MUC6: variants seen among roughly 807,000 people sequenced by gnomAD.
MUC6 encodes the protein mucin 6, oligomeric mucus/gel-forming (gene/pseudogene).
Under a neutral mutation model 201.5 loss-of-function variants are expected in MUC6, and 188 were observed. The ratio of observed to expected loss-of-function variants is 0.93; its 90% CI spans 0.83 to 1.05. The LOEUF is 1.05. Ranked by LOEUF, MUC6 falls within the 50% of genes least tolerant of loss-of-function variation. The pLI is 0.00. For missense variants in MUC6, 2,706 were observed against 3,256.9 expected (o/e 0.83, Z 4.12); for synonymous variants, 1,228 against 1,389.4 (o/e 0.88, Z 2.58).
intron 7 of MUC6, 31 bp from the exon 8 acceptor site, chr11:1,030,366 T>TACCCCCCCCCCCCCCCCCCC: frequency 6.7e-7 from 1 of 1,489,596 alleles, no homozygotes. Context: ...GGTGAGAGGG[T>TACCCCCCCCCCCCCCCCCCC]CCCACCCCCC....
At chr11:1,028,453 C>G in intron 13 of MUC6, 66 bp from the exon 14 acceptor site, 26 of 1,576,012 alleles carry the variant, frequency 1.6e-5, no homozygotes, top group Non-Finnish European at 2.2e-5. Flanking sequence ...GCCCACACGC[C>G]CTGGAGCTCC....
At chr11:1,015,518 C>G (rs539982567) in intron 31 of MUC6, among the ~76,000 whole-genome samples, 1 of 152,130 alleles carries the variant, frequency 6.6e-6, no homozygotes, top group South Asian at 2.1e-4. Flanking sequence ...AGGGAAAGGT[C>G]AAGGTTAGCT....
chr11:1,036,441 G>C (rs542189034), intron 1 of MUC6, among the ~76,000 whole-genome samples, 163 bp downstream of exon 1: 222 of 152,302 alleles, frequency 1.5e-3, no homozygotes, highest in African/African-American at 5.1e-3. Context: ...GGGGGGACCC[G>C]GGCCTGGCAG....
At chr11:1,026,535 A>AGCCCTGG in intron 19 of MUC6, 57 bp from the exon 20 acceptor site, 1 of 1,482,660 alleles carries the variant, frequency 6.7e-7, no homozygotes, top group Non-Finnish European at 8.9e-7. Flanking sequence ...GCTGCTGCCC[A>AGCCCTGG]GCCCTGGGCC....
chr11:1,031,205 C>A lies in MUC6; in HGVS notation c.538G>T (p.Asp180Tyr). 1 of 1,579,354 alleles carries A rather than the reference C, an allele frequency of 6.3e-7. No homozygotes were observed. The change falls in exon 5 of 33, where the codon GAC becomes TAC. Residue 180 changes from aspartate (D) to tyrosine (Y), a missense_variant. Transcript: ENST00000421673. The stretch of plus-strand genomic sequence containing the variant: ...ACAAACTCGTTGGTCACCTTCCCGT[C>A]AAAGTTCCCGCAGAGCCCGCACATC... ...GQMCGLCGNFDGKVTNEFVSE... is the reference protein window; with the variant it reads ...GQMCGLCGNFYGKVTNEFVSE...
rs1208914192 is a variant in MUC6, at chr11:1,024,934, G to A, written c.3135C>T (p.Asp1045=). Reference sequence around the variant, plus strand: ...GCCGGAAGGCATTGAGACTGCAGGGGTCTGTCACGAAGCTCACGTCCCCGC... The same window carrying A: ...GCCGGAAGGCATTGAGACTGCAGGGATCTGTCACGAAGCTCACGTCCCCGC... ...PLCGDVSFVT[D]PCSLNAFRRS... Residue 1045 remains aspartate (D), a synonymous_variant, in exon 24 of 33, where the codon GAC becomes GAT. Transcript: ENST00000421673. 1.9e-6 allele frequency: 3 copies of A among 1,612,872 alleles called. No individual in the cohort carries two copies. Among genetic ancestry groups the A allele is most frequent in the Non-Finnish European group, 2.5e-6 (3 of 1,179,898 alleles).
rs777400951 is a variant in MUC6, at chr11:1,031,203, G to T, written c.540C>A (p.Asp180Glu). The T allele has an allele frequency of 2.5e-6, 4 of 1,570,704 alleles. No individual in the cohort carries two copies. The highest frequency in any genetic ancestry group is 1.8e-5 in the Admixed American group (1 of 55,440). ...GQMCGLCGNF[D>E]GKVTNEFVSE... The stretch of plus-strand genomic sequence containing the variant: ...TGACAAACTCGTTGGTCACCTTCCC[G>T]TCAAAGTTCCCGCAGAGCCCGCACA... Residue 180 changes from aspartate to glutamate, a missense_variant, in exon 5 of 33, where the codon GAC becomes GAA. Asp to Glu is a conservative substitution (Grantham distance 45). Around this residue, in one of 10 missense-constraint regions of MUC6, gnomAD observed 1,850 missense variants for 1,958.3 expected, o/e 0.94. Coordinates refer to ENST00000421673, the MANE Select transcript of MUC6 (RefSeq NM_005961.3).
In MUC6 at chr11:1,030,197, C is replaced by T; in HGVS notation, c.1015+16G>A. 1.3e-6 allele frequency: 2 copies of T among 1,549,440 alleles called. No individual in the cohort carries two copies. Among genetic ancestry groups the T allele is most frequent in the Non-Finnish European group, 1.7e-6 (2 of 1,148,018 alleles). ...TAGGGGTCCCGGGGAGAGAGAGTGC[C>T]TGCGACTGCCCTCACCTTCCGGGCA... On this transcript the variant is annotated intron_variant, in intron 8 of 32. Coordinates refer to ENST00000421673, the MANE Select transcript of MUC6 (RefSeq NM_005961.3).
chr11:1,030,370 A>ACCCCCCCCCCCCCTC, intron 7 of MUC6, 35 bp from the exon 8 acceptor site: 1 of 992,838 alleles, frequency 1.0e-6, no homozygotes, highest in South Asian at 1.8e-5. Context: ...AGAGGGTCCC[A>ACCCCCCCCCCCCCTC]CCCCCCCCAC....
In MUC6 at chr11:1,016,718, G is replaced by T. The variant is rs746866220; in HGVS notation, c.6083C>A (p.Thr2028Asn). ...GGCAGAAGTGGCCATCTGTGTGTGG[G>T]TAGTGATGATGACTGTGTGAGTACT... is the stretch of plus-strand genomic sequence containing the variant. Reference protein sequence around the residue: ...TPSTHTVIITTHTQMATSASI... With the variant: ...TPSTHTVIITNHTQMATSASI... The change falls in exon 31 of 33, where the codon ACC becomes AAC. Residue 2028 changes from threonine (T) to asparagine (N), a missense_variant. Thr to Asn is a moderately conservative substitution (Grantham distance 65). This residue lies in a region of MUC6 where 20 missense variants were observed against 43.3 expected (regional missense o/e 0.46). Coordinates refer to ENST00000421673, the MANE Select transcript of MUC6 (RefSeq NM_005961.3). 1 of 1,613,436 alleles carries T rather than the reference G, an allele frequency of 6.2e-7. No homozygotes were observed. The highest frequency in any genetic ancestry group is 1.1e-5 in the South Asian group (1 of 91,080).
At position 1,016,910 on chromosome 11, in the gene MUC6, G is replaced by C; in HGVS notation, c.5891C>G (p.Thr1964Arg). Residue 1964 changes from threonine (T) to arginine (R), a missense_variant, in exon 31 of 33, where the codon ACA becomes AGA. Physicochemically the swap from Thr to Arg is moderately conservative, Grantham distance 71 (BLOSUM62 -1). Around this residue, in one of 10 missense-constraint regions of MUC6, gnomAD observed 20 missense variants for 128.3 expected, o/e 0.16. Coordinates refer to ENST00000421673, the MANE Select transcript of MUC6 (RefSeq NM_005961.3). ...TTSASSSRLP[T>R]PFTTHSPPTG... ...AGGTGGGGAGTGTGTGGTGAAGGGT[G>C]TGGGTAGCCTGCTGCTGCTGGCCGA... is the stretch of plus-strand genomic sequence containing the variant. 6.3e-7 allele frequency: 1 copy of C among 1,581,220 alleles called. No homozygotes were observed. The highest frequency in any genetic ancestry group is 8.6e-7 in the Non-Finnish European group (1 of 1,167,066).
chr11:1,015,983 G>A lies in MUC6; in HGVS notation c.6818C>T (p.Ser2273Phe). 1 of 1,597,632 alleles carries A rather than the reference G, an allele frequency of 6.3e-7. No homozygotes were observed. Among genetic ancestry groups the A allele is most frequent in the South Asian group, 1.1e-5 (1 of 88,260 alleles). ...AFSSQSTTSR[S>F]TSLTTRVPTS... Reference sequence around the variant, plus strand: ...GGGAACTCGGGTGGTGAGAGAAGTGGACCGCGAGGTGGTGGACTGAGAGGA... The same window carrying A: ...GGGAACTCGGGTGGTGAGAGAAGTGAACCGCGAGGTGGTGGACTGAGAGGA... The change falls in exon 31 of 33, where the codon TCC (serine) becomes TTC (phenylalanine). Residue 2273 changes from serine to phenylalanine, a missense_variant. Coordinates refer to ENST00000421673, the MANE Select transcript of MUC6 (RefSeq NM_005961.3).
chr11:1,026,118 G>T lies in MUC6; in HGVS notation c.2570C>A (p.Ala857Asp). 1.3e-6 allele frequency: 2 copies of T among 1,599,014 alleles called. No individual in the cohort carries two copies. Among genetic ancestry groups the T allele is most frequent in the Admixed American group, 1.7e-5 (1 of 58,230 alleles). ...RTCSCSRGRW[A>D]CQQGTHCPST... is the part of the protein sequence containing the mutation. ...TGGGCAGTGGGTGCCCTGCTGACAG[G>T]CCCACCTCCCCCTTGAGCAGGAGCT... Residue 857 changes from alanine to aspartate, a missense_variant, in exon 21 of 33, where the codon GCC becomes GAC. Ala to Asp is a moderately radical substitution (Grantham distance 126). Around this residue, in one of 10 missense-constraint regions of MUC6, gnomAD observed 1,850 missense variants for 1,958.3 expected, o/e 0.94. Coordinates refer to ENST00000421673, the MANE Select transcript of MUC6 (RefSeq NM_005961.3).
chr11:1,013,713 G>C, intron 32 of MUC6, 80 bp from the exon 33 acceptor site: 1 of 1,473,160 alleles, frequency 6.8e-7, no homozygotes, highest in South Asian at 1.2e-5. Context: ...CAGCTGCTCC[G>C]CAGAGGCCTG....
At chr11:1,015,617 G>A (rs1856584431) in intron 31 of MUC6, 145 bp downstream of exon 31, 2 of 1,352,514 alleles carry the variant, frequency 1.5e-6, no homozygotes, top group East Asian at 2.6e-5. Context: ...GAGTGGAAAC[G>A]CCTGGCAGGT....
chr11:1,030,607 C>A lies in MUC6; in HGVS notation c.858G>T (p.Gln286His). 1 of 1,532,030 alleles carries A rather than the reference C, an allele frequency of 6.5e-7. No individual in the cohort carries two copies. Among genetic ancestry groups the A allele is most frequent in the South Asian group, 1.2e-5 (1 of 82,370 alleles). 94.9% of individuals were successfully genotyped at this position (1,532,030 alleles called of 1,614,324 possible). A position where few individuals can be genotyped will look rare whatever the true frequency, so the allele number is the denominator to read the frequency against. Residue 286 changes from glutamine (Q) to histidine (H), a missense_variant, in exon 7 of 33, where the codon CAG becomes CAT. This residue lies in a region of MUC6 where 1,850 missense variants were observed against 1,958.3 expected (regional missense o/e 0.94). Transcript: ENST00000421673. ...CGGGGCTCCGCCAGCGGCGGACCGG[C>A]TGGCCCACCATGCTGCACTGGCGGG... ...EYSRQCSMVG[Q>H]PVRRWRSPGL...
chr11:1,025,130 C>G, intron 23 of MUC6, 47 bp from the exon 24 acceptor site: 7 of 1,611,286 alleles, frequency 4.3e-6, no homozygotes, highest in South Asian at 3.3e-5. Context: ...TGCCATCTGT[C>G]TCCACCCCTG....
At chr11:1,030,377 C>T (rs867053447) in intron 7 of MUC6, 42 bp from the exon 8 acceptor site, 2 of 1,526,782 alleles carry the variant, frequency 1.3e-6, no homozygotes, top group Non-Finnish European at 8.8e-7. Flanking sequence ...CCCACCCCCC[C>T]CACCCCTCCC....
chr11:1,018,594 G>A lies in MUC6; in HGVS notation c.4207C>T (p.Pro1403Ser), dbSNP rs1354043229. The part of the protein sequence containing the change: ...TTTEYTTPQT[P>S]HTTHSPPTAG... Reference sequence around the variant, plus strand: ...GTAGGCGGGGAGTGTGTGGTGTGTGGGGTTTGGGGCGTTGTGTATTCAGTA... The same window carrying A: ...GTAGGCGGGGAGTGTGTGGTGTGTGAGGTTTGGGGCGTTGTGTATTCAGTA... Residue 1403 changes from proline to serine, a missense_variant, in exon 31 of 33, where the codon CCA (proline) becomes TCA (serine). Physicochemically the swap from Pro to Ser is moderately conservative, Grantham distance 74. Around this residue, in one of 10 missense-constraint regions of MUC6, gnomAD observed 1,850 missense variants for 1,958.3 expected, o/e 0.94. Transcript: ENST00000421673. The A allele has an allele frequency of 1.2e-6, 2 of 1,613,498 alleles. No homozygotes were observed. Among genetic ancestry groups the A allele is most frequent in the African/African-American group, 1.3e-5 (1 of 74,788 alleles).
Sources: allele counts gnomAD v4.1 joint callset (sites outside exome capture counted in the v4.1 genomes callset), GRCh38; gene constraint gnomAD v4.1.1; regional missense constraint gnomAD v4.1.1; transcripts MANE v1.5; gene names NCBI Gene and HGNC (gene_info 2026-07-23, HGNC 2026-07-21).